RAB38: variants seen among roughly 807,000 people sequenced by gnomAD.
The protein encoded by RAB38 is RAB38, member RAS oncogene family, also known as ras-related protein Rab-38.
RAB38 carries 15 observed loss-of-function variants against 18.4 expected under a neutral mutation model. The observed-to-expected ratio is 0.82, with a 90% CI of 0.55 to 1.26. RAB38 has a LOEUF of 1.26. Ranked by LOEUF, RAB38 falls within the 50% of genes most tolerant of loss-of-function variation. The probability of loss-of-function intolerance (pLI) is 0.00; values close to 1 mark genes in which losing one functional copy is unlikely to be tolerated. For synonymous variants in RAB38, 101 were observed against 104.4 expected (o/e 0.97, Z 0.20); for missense variants, 294 against 267.4 (o/e 1.10, Z -0.69).
the RAB38 span, among the ~76,000 whole-genome samples, chr11:87,860,806 C>A: frequency 1.3e-5 from 2 of 151,540 alleles, no homozygotes; most frequent in Non-Finnish European, 2.9e-5. Flanking sequence ...TTTTATTTTA[C>A]AAGTCAGAGC....
chr11:88,053,165 CATATATATGGAATATATATATACACACAT>C, the RAB38 span, among the ~76,000 whole-genome samples: 4 of 63,552 alleles, frequency 6.3e-5, no homozygotes, highest in Non-Finnish European at 1.3e-4. Context: ...TATATACACA[CATATATATGGAATATATATATACACACAT>C]ATATATGGAA....
At chr11:88,126,925 A>G (rs1022201195) in intron 2 of RAB38, among the ~76,000 whole-genome samples, 1 of 152,216 alleles carries the variant, frequency 6.6e-6, no homozygotes, top group Non-Finnish European at 1.5e-5. Context: ...CACTGAAAAT[A>G]AAGCACTTGG....
chr11:88,137,600 C>T (rs118189415), intron 2 of RAB38, among the ~76,000 whole-genome samples: 3,772 of 152,084 alleles, frequency 0.025, 62 homozygotes, highest in Middle Eastern at 0.041. Context: ...TTACACCAAA[C>T]TAGGAGTTTC....
chr11:88,088,503 G>T, the RAB38 span, among the ~76,000 whole-genome samples: 1 of 151,830 alleles, frequency 6.6e-6, no homozygotes, highest in Non-Finnish European at 1.5e-5. Flanking sequence ...ATTTTATGAA[G>T]ACTAAGTCTT....
the RAB38 span, among the ~76,000 whole-genome samples, chr11:87,903,673 A>C: frequency 2.0e-5 from 3 of 150,374 alleles, no homozygotes; most frequent in Admixed American, 6.6e-5. Flanking sequence ...TTCTCCAGTG[A>C]ATCCATCTGG....
the RAB38 span, among the ~76,000 whole-genome samples, chr11:88,087,180 C>T: frequency 1.3e-5 from 2 of 151,926 alleles, no homozygotes; most frequent in African/African-American, 4.8e-5. Context: ...TATCTCAGAT[C>T]ATCTGTCCAA....
the RAB38 span, among the ~76,000 whole-genome samples, chr11:87,921,775 T>C: frequency 8.6e-4 from 131 of 151,826 alleles, 1 homozygote; most frequent in Admixed American, 2.8e-3. Flanking sequence ...TGAGTAAAAA[T>C]ATTGGTTGGT....
chr11:87,891,350 A>T, the RAB38 span, among the ~76,000 whole-genome samples: 1 of 151,820 alleles, frequency 6.6e-6, no homozygotes, highest in African/African-American at 2.4e-5. Flanking sequence ...CCTGAATCTA[A>T]TGTTTTGTGT....
At chr11:88,067,831 G>T in the RAB38 span, among the ~76,000 whole-genome samples, 1 of 151,612 alleles carries the variant, frequency 6.6e-6, no homozygotes, top group Non-Finnish European at 1.5e-5. Flanking sequence ...TGGGTTGATA[G>T]GTACAGCAAA....
the RAB38 span, among the ~76,000 whole-genome samples, chr11:87,951,838 G>A: frequency 4.6e-5 from 7 of 152,106 alleles, no homozygotes; most frequent in Non-Finnish European, 7.4e-5. Context: ...TAGGCTACTC[G>A]GGTGTCAGGG....
At chr11:88,126,562 G>A (rs186994032) in intron 2 of RAB38, among the ~76,000 whole-genome samples, 2 of 152,252 alleles carry the variant, frequency 1.3e-5, no homozygotes, top group Admixed American at 1.3e-4. Flanking sequence ...GGGGTGGAGG[G>A]AGGGGGAAGG....
At chr11:88,051,337 T>C in the RAB38 span, among the ~76,000 whole-genome samples, 8 of 152,010 alleles carry the variant, frequency 5.3e-5, no homozygotes, top group Non-Finnish European at 1.0e-4. Flanking sequence ...TGCTAGGCAG[T>C]ACATGCATAG....
intron 2 of RAB38, among the ~76,000 whole-genome samples, chr11:88,140,072 A>G (rs1942888111): frequency 6.6e-6 from 1 of 152,218 alleles, no homozygotes; most frequent in South Asian, 2.1e-4. Flanking sequence ...TTCGGTGCAC[A>G]AGCTAATGTC....
the RAB38 span, among the ~76,000 whole-genome samples, chr11:88,004,583 T>C: frequency 8.6e-5 from 13 of 151,298 alleles, no homozygotes; most frequent in Non-Finnish European, 1.8e-4. Context: ...GCAAGCATTG[T>C]CGGTACTCAC....
the RAB38 span, among the ~76,000 whole-genome samples, chr11:87,847,085 A>G: frequency 2.6e-5 from 4 of 152,188 alleles, no homozygotes; most frequent in Admixed American, 6.5e-5. Context: ...TCTAAAGTTC[A>G]TAATTTAAGG....
the RAB38 span, among the ~76,000 whole-genome samples, chr11:88,085,897 C>G: frequency 6.6e-6 from 1 of 151,858 alleles, no homozygotes; most frequent in Non-Finnish European, 1.5e-5. Flanking sequence ...TGTTCTTACA[C>G]CTGAAATTAG....
At chr11:87,963,902 T>C in the RAB38 span, among the ~76,000 whole-genome samples, 3 of 152,090 alleles carry the variant, frequency 2.0e-5, no homozygotes, top group African/African-American at 7.2e-5. Context: ...CACATCGGCC[T>C]CCCAAAGTGC....
the RAB38 span, among the ~76,000 whole-genome samples, chr11:87,959,959 G>C: frequency 6.6e-6 from 1 of 151,880 alleles, no homozygotes; most frequent in Non-Finnish European, 1.5e-5. Context: ...CTGTTTTTTG[G>C]GTTTCTTCAT....
chr11:88,110,431 T>C (rs960225488), downstream of RAB38, among the ~76,000 whole-genome samples: 37 of 152,070 alleles, frequency 2.4e-4, no homozygotes, highest in African/African-American at 8.7e-4. Context: ...AGATGATGGG[T>C]TGATGGGTGC....
Sources: gnomAD v4.1 joint callset for allele counts (sites outside exome capture counted in the v4.1 genomes callset) on GRCh38, gnomAD v4.1.1 for gene constraint, MANE v1.5 for transcripts, NCBI Gene and HGNC (gene_info 2026-07-23, HGNC 2026-07-21) for gene names.